TUT7: variants seen among roughly 807,000 people sequenced by gnomAD.
The protein encoded by TUT7 is terminal uridylyltransferase 7.
Under a neutral mutation model 165.9 loss-of-function variants are expected in TUT7, and 33 were observed. That is an observed-to-expected ratio of 0.20 (90% CI 0.15 to 0.27). The LOEUF is 0.27. Among genes scored for constraint, TUT7 ranks in the 10% least tolerant of loss-of-function variants. The pLI, the probability that TUT7 is intolerant of heterozygous loss-of-function variation, is 1.00. For missense variants in TUT7, 1,338 were observed against 1,762.3 expected (o/e 0.76, Z 4.31); for synonymous variants, 552 against 608.1 (o/e 0.91, Z 1.36).
In TUT7 at chr9:86,311,632, A is replaced by ATGGTCTCCCTCTGATGC. The variant is rs1828073238; in HGVS notation, c.3275-824_3275-823insGCATCAGAGGGAGACCA. ...ACGGTCTCCCTCTCCCTCTCTTTCC[A>ATGGTCTCCCTCTGATGC]CGGTCTCCCTCTGATGCCGGTCTCC... On this transcript the variant is annotated intron_variant, in intron 17 of 26. Coordinates refer to ENST00000375963, the MANE Select transcript of TUT7 (RefSeq NM_024617.4). This position sits in a 1 kb window ranked among gnomAD's most constrained non-coding sequence, Gnocchi z 4.4. 6.8e-6 allele frequency among the ~76,000 whole-genome samples: 1 copy of ATGGTCTCCCTCTGATGC among 146,814 alleles called. No homozygotes were observed. The highest frequency in any genetic ancestry group is 2.6e-5 in the African/African-American group (1 of 39,106).
rs147719770 is a variant in TUT7 at position 86,310,391 on chromosome 9, T to C, written c.3378+315A>G. Among the ~76,000 whole-genome samples the C allele has an allele frequency of 3.5e-3, 532 of 152,220 alleles. 8 individuals carry two copies. The highest frequency in any genetic ancestry group is 7.5e-3 in the East Asian group (39 of 5,188). On this transcript the variant is annotated intron_variant, in intron 18 of 26. Coordinates refer to ENST00000375963, the MANE Select transcript of TUT7 (RefSeq NM_024617.4). ...GTAACATCTGACCTCATGGCTTTTA[T>C]ACGTCCTTGGTCTGAACATCTAGAA...
At chr9:86,300,283 A>AT (rs1564027102) in intron 26 of TUT7, among the ~76,000 whole-genome samples, 1 of 152,190 alleles carries the variant, frequency 6.6e-6, no homozygotes, top group African/African-American at 2.4e-5. Flanking sequence ...AAGATACACT[A>AT]TATTGCTGAA....
intron 10 of TUT7, among the ~76,000 whole-genome samples, chr9:86,334,796 ACCTTATCTTCTGGTGGCCCTGGTT>A (rs1249736881): frequency 6.6e-6 from 1 of 151,866 alleles, no homozygotes; most frequent in African/African-American, 2.4e-5. Context: ...CCTCTTGTAC[ACCTTATCTTCTGGTGGCCCTGGTT>A]CCTCTGGCCA....
intron 11 of TUT7, among the ~76,000 whole-genome samples, chr9:86,327,267 A>G (rs945981469): frequency 1.3e-5 from 2 of 152,264 alleles, no homozygotes; most frequent in Non-Finnish European, 2.9e-5. Context: ...GAGACCTTTG[A>G]AATATCTAGA....
Position 86,346,415 on chromosome 9 carries a change from C to T in TUT7, c.586G>A (p.Asp196Asn). The T allele has an allele frequency of 6.2e-7, 1 of 1,614,142 alleles. No individual in the cohort carries two copies. Among genetic ancestry groups the T allele is most frequent in the Middle Eastern group, 1.6e-4 (1 of 6,062 alleles). ...RKTRNEENEQDGDLEGPVIDE... is the reference protein window; with the variant it reads ...RKTRNEENEQNGDLEGPVIDE... ...ATCACAGGGCCTTCCAAGTCTCCAT[C>T]CTGCTCATTTTCCTCATTTCTAGTC... The change falls in exon 3 of 27, where the codon GAT becomes AAT. Residue 196 changes from aspartate to asparagine, a missense_variant. By Grantham distance (23) the Asp-to-Asn change is conservative. Around this residue, in one of 7 missense-constraint regions of TUT7, gnomAD observed 434 missense variants for 480.8 expected, o/e 0.90. Coordinates refer to ENST00000375963, the MANE Select transcript of TUT7 (RefSeq NM_024617.4).
intron 10 of TUT7, among the ~76,000 whole-genome samples, chr9:86,336,226 A>G (rs1402783120): frequency 6.6e-6 from 1 of 152,178 alleles, no homozygotes; most frequent in Non-Finnish European, 1.5e-5. Flanking sequence ...TCTTAGATCA[A>G]GGTGAAAGGA....
At chr9:86,296,390 C>T (rs1464635620) in intron 26 of TUT7, among the ~76,000 whole-genome samples, 2 of 152,142 alleles carry the variant, frequency 1.3e-5, no homozygotes, top group Non-Finnish European at 2.9e-5. Flanking sequence ...ATAAGTTCAC[C>T]TCTAATCAAT....
At chr9:86,295,573 G>C (rs192021699) in intron 26 of TUT7, among the ~76,000 whole-genome samples, 1 of 151,868 alleles carries the variant, frequency 6.6e-6, no homozygotes, top group Non-Finnish European at 1.5e-5. Flanking sequence ...TTCAAAGAAG[G>C]GTATCAACAA....
intron 16 of TUT7, among the ~76,000 whole-genome samples, chr9:86,318,453 GATA>G (rs1321004926): frequency 3.3e-5 from 5 of 152,212 alleles, no homozygotes; most frequent in African/African-American, 1.2e-4. Context: ...CATGATCCAT[GATA>G]ATGTGTACAA....
At chr9:86,316,445 T>G (rs190833148) in intron 17 of TUT7, among the ~76,000 whole-genome samples, 273 of 152,076 alleles carry the variant, frequency 1.8e-3, no homozygotes, top group Non-Finnish European at 3.4e-3. Context: ...AAAAAAGAGA[T>G]CGCTTCAAGT....
Position 86,346,351 on chromosome 9 carries a change from A to G in TUT7, c.650T>C (p.Leu217Ser), listed in dbSNP as rs983094223. 1 of 1,614,070 alleles carries G rather than the reference A, an allele frequency of 6.2e-7. No individual in the cohort carries two copies. Among genetic ancestry groups the G allele is most frequent in the Non-Finnish European group, 8.5e-7 (1 of 1,179,970 alleles). The change falls in exon 3 of 27, where the codon TTA becomes TCA. Residue 217 changes from leucine (L) to serine (S), a missense_variant. Coordinates refer to ENST00000375963, the MANE Select transcript of TUT7 (RefSeq NM_024617.4). ...SVLSTKELLG[L>S]QQAEERLKRD... ...CTTCAGTCTCTCCTCAGCCTGCTGT[A>G]AGCCTAGCAGCTCCTTCGTTGAAAG...
intron 25 of TUT7, 94 bp downstream of exon 25, chr9:86,302,992 C>G: frequency 1.7e-6 from 1 of 579,194 alleles, no homozygotes; most frequent in Non-Finnish European, 3.1e-6. Flanking sequence ...GGATTTTACA[C>G]AAGTGTATTT....
rs541287752 is a variant in TUT7 at position 86,316,946 on chromosome 9, T to G, written c.3274+273A>C. ...CAAATAAAAAATACAGTATAACAACTATTTACATAGTATTTACACTGTATT... is the reference window on the plus strand; with the variant it reads ...CAAATAAAAAATACAGTATAACAACGATTTACATAGTATTTACACTGTATT... On this transcript the variant is annotated intron_variant, in intron 17 of 26. Coordinates refer to ENST00000375963, the MANE Select transcript of TUT7 (RefSeq NM_024617.4). Among the ~76,000 whole-genome samples, 209 of 152,262 alleles carry G rather than the reference T, an allele frequency of 1.4e-3. 1 individual carries two copies. Among genetic ancestry groups the G allele is most frequent in the African/African-American group, 4.7e-3 (197 of 41,552 alleles).
intron 2 of TUT7, among the ~76,000 whole-genome samples, chr9:86,348,239 G>A (rs1158903334): frequency 3.3e-5 from 5 of 152,296 alleles, no homozygotes; most frequent in African/African-American, 7.2e-5. Context: ...AGAAGTGGAT[G>A]GCTGCAGAAA....
intron 12 of TUT7, 25 bp downstream of exon 12, chr9:86,325,309 G>A (rs1829693698): frequency 6.2e-7 from 1 of 1,605,624 alleles, no homozygotes; most frequent in Admixed American, 1.7e-5. Context: ...GAGTGGGGGG[G>A]AATAAGATAA....
At chr9:86,335,800 G>T (rs573698688) in intron 10 of TUT7, among the ~76,000 whole-genome samples, 15 of 152,248 alleles carry the variant, frequency 9.9e-5, no homozygotes, top group Admixed American at 5.2e-4. Flanking sequence ...GGATCATTTT[G>T]GTTCGGGTGG....
At chr9:86,312,739 T>C (rs1275943297) in intron 17 of TUT7, among the ~76,000 whole-genome samples, 1 of 152,070 alleles carries the variant, frequency 6.6e-6, no homozygotes, top group Non-Finnish European at 1.5e-5. Context: ...GAGGTAGACA[T>C]GGGAGACTTT....
At chr9:86,294,500 T>A (rs535751364) in intron 26 of TUT7, among the ~76,000 whole-genome samples, 42 of 152,164 alleles carry the variant, frequency 2.8e-4, no homozygotes, top group Non-Finnish European at 5.6e-4. Flanking sequence ...TTGTAATATA[T>A]CTTCTATTCC....
At chr9:86,297,596 G>A (rs1031073032) in intron 26 of TUT7, among the ~76,000 whole-genome samples, 1 of 152,136 alleles carries the variant, frequency 6.6e-6, no homozygotes, top group African/African-American at 2.4e-5. Flanking sequence ...GGGAGGCCAA[G>A]GTGGGAGGAT....
Sources: gnomAD v4.1 joint callset for allele counts (sites outside exome capture counted in the v4.1 genomes callset) on GRCh38, gnomAD v4.1.1 for gene constraint, gnomAD v4.1.1 regional missense constraint, Gnocchi (gnomAD v3.1) non-coding constraint, MANE v1.5 for transcripts, NCBI Gene and HGNC (gene_info 2026-07-23, HGNC 2026-07-21) for gene names.